The following SNTG1 variants were observed in gnomAD, a reference collection of about 807,000 sequenced individuals.
SNTG1 encodes the protein syntrophin gamma 1, also known as gamma-1-syntrophin.
In SNTG1, 39 loss-of-function variants were observed where a neutral mutation model predicts 74.7. That is an observed-to-expected ratio of 0.52 (90% CI 0.40 to 0.68). The LOEUF is 0.68. SNTG1 is among the 30% of genes least tolerant of loss of function. SNTG1 has a pLI of 0.00. For synonymous variants in SNTG1, 254 were observed against 217.1 expected, an observed-to-expected ratio of 1.17 and a Z score of -1.49; for missense variants, 685 against 609.5, an observed-to-expected ratio of 1.12 and a Z score of -1.30.
intron 1 of SNTG1, among the ~76,000 whole-genome samples, chr8:50,039,655 C>G (rs952103434): frequency 6.6e-6 from 1 of 151,562 alleles, no homozygotes; most frequent in Non-Finnish European, 1.5e-5. Context: ...TTTTTTTTGC[C>G]TATAGAGTAT....
intron 17 of SNTG1, among the ~76,000 whole-genome samples, chr8:50,717,252 G>A (rs1374044086): frequency 6.6e-6 from 1 of 151,878 alleles, no homozygotes; most frequent in Non-Finnish European, 1.5e-5. Flanking sequence ...TGTGGCTTCT[G>A]ATATATTTTA....
chr8:50,057,414 C>CT (rs879581085), intron 1 of SNTG1, among the ~76,000 whole-genome samples: 2 of 152,156 alleles, frequency 1.3e-5, no homozygotes, highest in South Asian at 2.1e-4. Context: ...AAGCTTTACA[C>CT]TTTTTTGTTT....
At chr8:50,069,832 G>C (rs975092019) in intron 1 of SNTG1, among the ~76,000 whole-genome samples, 2 of 151,688 alleles carry the variant, frequency 1.3e-5, no homozygotes, top group African/African-American at 4.8e-5. Context: ...GGTTCACTAA[G>C]GGCTCTCTAG....
chr8:50,590,876 C>A lies in SNTG1; in HGVS notation c.811-3C>A, dbSNP rs1223858308. 4.5e-6 allele frequency: 7 copies of A among 1,547,920 alleles called. No homozygotes were observed. Among genetic ancestry groups the A allele is most frequent in the South Asian group, 1.2e-5 (1 of 83,412 alleles). Reference sequence around the variant, plus strand: ...CACTTTTATTATTTATTTATCATTGCAGATTAAAAAAATCAACAGAAACTT... The same window carrying A: ...CACTTTTATTATTTATTTATCATTGAAGATTAAAAAAATCAACAGAAACTT... On this transcript the variant is annotated splice_polypyrimidine_tract_variant and splice_region_variant and intron_variant, in intron 12 of 18. Coordinates refer to ENST00000642720, the MANE Select transcript of SNTG1 (RefSeq NM_018967.5).
At chr8:50,138,245 T>A (rs1235565782) in intron 1 of SNTG1, among the ~76,000 whole-genome samples, 17 of 151,886 alleles carry the variant, frequency 1.1e-4, no homozygotes. Context: ...ACGAAAGCAC[T>A]GAAAATGTCT....
At chr8:50,779,565 C>G (rs1420487682) in intron 18 of SNTG1, among the ~76,000 whole-genome samples, 1 of 152,178 alleles carries the variant, frequency 6.6e-6, no homozygotes, top group East Asian at 1.9e-4. Flanking sequence ...TATCCTGAGA[C>G]TTTGCCGAAG....
At chr8:50,690,734 T>C (rs1158973845) in intron 15 of SNTG1, among the ~76,000 whole-genome samples, 3 of 152,240 alleles carry the variant, frequency 2.0e-5, no homozygotes, top group East Asian at 3.9e-4. Context: ...GTTGATTTGG[T>C]GTGGCAAGTT....
intron 13 of SNTG1, among the ~76,000 whole-genome samples, chr8:50,611,129 T>G (rs1231959117): frequency 1.3e-5 from 2 of 152,204 alleles, no homozygotes; most frequent in African/African-American, 4.8e-5. Context: ...AACTGTTATA[T>G]TAATTATTAA....
At chr8:50,188,733 G>A (rs1417175092) in intron 2 of SNTG1, among the ~76,000 whole-genome samples, 1 of 152,088 alleles carries the variant, frequency 6.6e-6, no homozygotes, top group Non-Finnish European at 1.5e-5. Context: ...ACAATACACA[G>A]TTCACAATGG....
At chr8:50,771,722 A>AT (rs148529692) in intron 18 of SNTG1, among the ~76,000 whole-genome samples, 2,184 of 152,210 alleles carry the variant, frequency 0.014, 46 homozygotes, top group African/African-American at 0.049. Flanking sequence ...CAGTCTCATC[A>AT]CAGGCTGAGA....
At chr8:50,561,560 G>A (rs982337224) in intron 12 of SNTG1, among the ~76,000 whole-genome samples, 1 of 152,012 alleles carries the variant, frequency 6.6e-6, no homozygotes, top group South Asian at 2.1e-4. Context: ...AAAGTTTAAT[G>A]CACTAGGAAA....
intron 2 of SNTG1, among the ~76,000 whole-genome samples, chr8:50,311,826 A>C (rs2090125460): frequency 6.6e-6 from 1 of 152,180 alleles, no homozygotes; most frequent in African/African-American, 2.4e-5. Flanking sequence ...GACTGACCCA[A>C]GAGTAATGTG....
At chr8:50,525,439 T>G (rs2094212239) in intron 9 of SNTG1, among the ~76,000 whole-genome samples, 1 of 152,182 alleles carries the variant, frequency 6.6e-6, no homozygotes, top group Non-Finnish European at 1.5e-5. Context: ...GGGACATTTT[T>G]GAAAATTATT....
Position 50,052,084 on chromosome 8 carries a change from G to A in SNTG1, c.-102-120477G>A, listed in dbSNP as rs139686738. Among the ~76,000 whole-genome samples, 466 of 152,026 alleles carry A rather than the reference G, an allele frequency of 3.1e-3. 3 individuals are homozygous for A. The highest frequency in any genetic ancestry group is 0.01 in the African/African-American group (423 of 41,486). ...ATAAAATTCATATGCAAGAGACCTA[G>A]AATAATTGAAACAATTCCAAAAAGA... is the stretch of plus-strand genomic sequence containing the variant. On this transcript the variant is annotated intron_variant, in intron 1 of 18. Coordinates refer to ENST00000642720, the MANE Select transcript of SNTG1 (RefSeq NM_018967.5).
At chr8:50,359,352 T>C (rs1178900112) in intron 2 of SNTG1, among the ~76,000 whole-genome samples, 4 of 152,222 alleles carry the variant, frequency 2.6e-5, no homozygotes, top group Non-Finnish European at 4.4e-5. Flanking sequence ...ATTTGACATC[T>C]GAACCAAGGC....
chr8:50,773,559 T>C (rs1179487671), intron 18 of SNTG1, among the ~76,000 whole-genome samples: 1 of 152,084 alleles, frequency 6.6e-6, no homozygotes, highest in African/African-American at 2.4e-5. Context: ...AGAAGCTAAA[T>C]AGACAGAAAT....
chr8:50,324,036 T>G (rs2090635767), intron 2 of SNTG1, among the ~76,000 whole-genome samples: 1 of 152,164 alleles, frequency 6.6e-6, no homozygotes, highest in African/African-American at 2.4e-5. Context: ...GCACTAGGAT[T>G]TGCCTAGCAA....
chr8:50,542,211 C>G (rs2094353440), intron 11 of SNTG1, among the ~76,000 whole-genome samples: 1 of 148,018 alleles, frequency 6.8e-6, no homozygotes, highest in Admixed American at 6.8e-5. Context: ...AGCTGGAGTG[C>G]AATGGTGTGT....
chr8:50,461,731 G>GT (rs147135559), intron 8 of SNTG1, among the ~76,000 whole-genome samples: 107 of 151,046 alleles, frequency 7.1e-4, no homozygotes, highest in East Asian at 3.1e-3. Context: ...TTGTTTGTTT[G>GT]TTTGTTTTGT....
Sources: allele counts gnomAD v4.1 joint callset (sites outside exome capture counted in the v4.1 genomes callset), GRCh38; gene constraint gnomAD v4.1.1; transcripts MANE v1.5; gene names NCBI Gene and HGNC (gene_info 2026-07-23, HGNC 2026-07-21).